The following PPP2R2B variants were observed in gnomAD, a reference collection of about 807,000 sequenced individuals.
PPP2R2B encodes serine/threonine-protein phosphatase 2A 55 kDa regulatory subunit B beta isoform.
Under a neutral mutation model 46.0 loss-of-function variants are expected in PPP2R2B, and 5 were observed. That is an observed-to-expected ratio of 0.11 (90% CI 0.06 to 0.23). PPP2R2B has a LOEUF of 0.23. Among genes scored for constraint, PPP2R2B ranks in the 10% least tolerant of loss-of-function variants. The pLI, the probability that PPP2R2B is intolerant of heterozygous loss-of-function variation, is 1.00. For missense variants in PPP2R2B, 367 were observed against 575.0 expected (o/e 0.64, Z 3.70); for synonymous variants, 215 against 206.7 (o/e 1.04, Z -0.34).
intron 1 of PPP2R2B, among the ~76,000 whole-genome samples, chr5:146,938,323 C>T (rs1004712075): frequency 1.3e-5 from 2 of 152,078 alleles, no homozygotes; most frequent in Admixed American, 1.3e-4. Context: ...ACTCCCACCC[C>T]AAATGGTCAG....
intron 2 of PPP2R2B, among the ~76,000 whole-genome samples, chr5:146,869,479 T>C (rs1161929445): frequency 6.6e-6 from 1 of 152,196 alleles, no homozygotes; most frequent in Non-Finnish European, 1.5e-5. Flanking sequence ...ATGTAGGTGT[T>C]CTGATATGGA....
chr5:146,807,352 C>T (rs1051187053), intron 2 of PPP2R2B, among the ~76,000 whole-genome samples: 4 of 152,310 alleles, frequency 2.6e-5, no homozygotes, highest in African/African-American at 9.6e-5. Context: ...AGCACAGTCA[C>T]ATGAGACCAG....
intron 7 of PPP2R2B, among the ~76,000 whole-genome samples, chr5:146,621,756 C>T (rs1773717037): frequency 6.6e-6 from 1 of 152,214 alleles, no homozygotes; most frequent in South Asian, 2.1e-4. Flanking sequence ...GAACTTGAGG[C>T]CACTGTCCTC....
intron 2 of PPP2R2B, among the ~76,000 whole-genome samples, chr5:146,862,895 G>A (rs1363976650): frequency 6.6e-6 from 1 of 151,232 alleles, no homozygotes; most frequent in African/African-American, 2.4e-5. Flanking sequence ...TTACATAATG[G>A]GCTCAAATCC....
chr5:146,870,419 T>G (rs1761547733), intron 2 of PPP2R2B, among the ~76,000 whole-genome samples: 1 of 152,116 alleles, frequency 6.6e-6, no homozygotes, highest in Non-Finnish European at 1.5e-5. Flanking sequence ...TTTTCACACT[T>G]GCACACAGGA....
intron 2 of PPP2R2B, among the ~76,000 whole-genome samples, chr5:146,725,558 C>A (rs1410492638): frequency 6.6e-6 from 1 of 152,176 alleles, no homozygotes; most frequent in South Asian, 2.1e-4. Flanking sequence ...CCATAAAACA[C>A]TGAGTTACAA....
Position 146,619,105 on chromosome 5 carries a change from T to G in PPP2R2B, c.791-18645A>C, listed in dbSNP as rs1285945282. ...TGAGGTCTGACCCATCTACTACTCATTTGCACCAGAGTTGAATAACTCCTA... is the reference window on the plus strand; with the variant it reads ...TGAGGTCTGACCCATCTACTACTCAGTTGCACCAGAGTTGAATAACTCCTA... On this transcript the variant is annotated intron_variant, in intron 7 of 9. Transcript: ENST00000394411. Among the ~76,000 whole-genome samples the G allele has an allele frequency of 2.0e-5, 3 of 152,020 alleles. No individual in the cohort carries two copies. The South Asian group carries it at 6.2e-4, about 32-fold the overall frequency.
rs534569486 is a variant in PPP2R2B, at chr5:146,815,769, T to G, written c.70+62233A>C. Reference sequence around the variant, plus strand: ...AATCTGAATAGTCTCAATTATATTCTTTACAAATGCTAACTCATGCTCAGA... The same window carrying G: ...AATCTGAATAGTCTCAATTATATTCGTTACAAATGCTAACTCATGCTCAGA... On this transcript the variant is annotated intron_variant, in intron 2 of 9. Transcript: ENST00000394411. 2.0e-5 allele frequency among the ~76,000 whole-genome samples: 3 copies of G among 152,316 alleles called. No homozygotes were observed. The East Asian group carries it at 5.8e-4, about 29-fold the overall frequency.
intron 1 of PPP2R2B, among the ~76,000 whole-genome samples, chr5:146,911,401 T>C (rs1479220806): frequency 6.6e-6 from 1 of 152,116 alleles, no homozygotes; most frequent in Non-Finnish European, 1.5e-5. Flanking sequence ...TTAAAATAAA[T>C]CACAGTTGGT....
At chr5:146,874,415 G>A (rs956416773) in intron 2 of PPP2R2B, among the ~76,000 whole-genome samples, 2 of 152,190 alleles carry the variant, frequency 1.3e-5, no homozygotes, top group African/African-American at 4.8e-5. Context: ...TCTGAGGGAA[G>A]GTGGAACCCA....
At chr5:146,706,819 C>T in intron 2 of PPP2R2B, 1 of 928,408 alleles carries the variant, frequency 1.1e-6, no homozygotes, top group Non-Finnish European at 1.8e-6. Context: ...TCTCCTCGTA[C>T]TGTACCTTGA....
intron 1 of PPP2R2B, among the ~76,000 whole-genome samples, chr5:147,025,608 G>T (rs1179413588): frequency 6.6e-6 from 1 of 151,902 alleles, no homozygotes; most frequent in African/African-American, 2.4e-5. Context: ...CTATGTAAAA[G>T]ATACCGTGAA....
At chr5:146,720,351 C>A (rs1242197375) in intron 2 of PPP2R2B, among the ~76,000 whole-genome samples, 2 of 152,160 alleles carry the variant, frequency 1.3e-5, no homozygotes, top group South Asian at 2.1e-4. Context: ...AGCCTCTTAC[C>A]CAGAAGTTGA....
In PPP2R2B at chr5:146,582,709, G is replaced by A. The variant is rs776214831; in HGVS notation, c.*7238C>T. ...AACAAAACTTTTGAGCACCTACTAT[G>A]AGCCAGACAATGTTCTGTGCTCTGG... is the stretch of plus-strand genomic sequence containing the variant. On this transcript the variant is annotated 3_prime_UTR_variant, in exon 10 of 10. Coordinates refer to ENST00000394411, the MANE Select transcript of PPP2R2B (RefSeq NM_181675.4). 19 of 152,162 alleles carry A rather than the reference G, an allele frequency of 1.2e-4. No homozygotes were observed. The highest frequency in any genetic ancestry group is 1.9e-4 in the Non-Finnish European group (13 of 68,044). The allele number at this position is 152,162 out of a possible 1,614,324, so 9.4% of individuals were successfully genotyped here. A position where few individuals can be genotyped will look rare whatever the true frequency, so the allele number is the denominator to read the frequency against.
intron 1 of PPP2R2B, among the ~76,000 whole-genome samples, chr5:146,911,435 T>G (rs1763178928): frequency 6.6e-6 from 1 of 152,158 alleles, no homozygotes; most frequent in South Asian, 2.1e-4. Flanking sequence ...TTTTTCTGAT[T>G]ATTGGATTAC....
intron 7 of PPP2R2B, among the ~76,000 whole-genome samples, chr5:146,609,980 T>C (rs1273924276): frequency 1.4e-5 from 2 of 142,212 alleles, no homozygotes; most frequent in Non-Finnish European, 3.0e-5. Flanking sequence ...AAGCTCGAAC[T>C]GGGTGGAGCC....
chr5:147,053,571 C>CACACACAA (rs1491083418), intron 1 of PPP2R2B, among the ~76,000 whole-genome samples: 1 of 149,030 alleles, frequency 6.7e-6, no homozygotes, highest in South Asian at 2.1e-4. Context: ...CACACACACA[C>CACACACAA]AACCTCAGAT....
chr5:146,775,242 A>G (rs534919767), intron 2 of PPP2R2B, among the ~76,000 whole-genome samples: 4 of 152,344 alleles, frequency 2.6e-5, no homozygotes, highest in Admixed American at 6.5e-5. Flanking sequence ...AAAATTCTCA[A>G]CAAAATACTA....
intron 2 of PPP2R2B, among the ~76,000 whole-genome samples, chr5:146,876,835 C>T (rs1014369790): frequency 2.6e-5 from 4 of 152,166 alleles, no homozygotes; most frequent in Admixed American, 1.3e-4. Flanking sequence ...ATAGAAGATG[C>T]CACCTTTACC....
Sources: allele counts gnomAD v4.1 joint callset (sites outside exome capture counted in the v4.1 genomes callset), GRCh38; gene constraint gnomAD v4.1.1; transcripts MANE v1.5; gene names NCBI Gene and HGNC (gene_info 2026-07-23, HGNC 2026-07-21).